RAB38: variants seen among roughly 807,000 people sequenced by gnomAD.
RAB38 encodes the protein ras-related protein Rab-38.
RAB38 carries 15 observed loss-of-function variants against 18.4 expected under a neutral mutation model. The observed-to-expected ratio is 0.82, with a 90% CI of 0.55 to 1.26. The LOEUF is 1.26. Among genes scored for constraint, RAB38 ranks in the 50% most tolerant of loss-of-function variants. RAB38 has a pLI of 0.00. For synonymous variants in RAB38, 101 were observed against 104.4 expected (o/e 0.97, Z 0.20); for missense variants, 294 against 267.4 (o/e 1.10, Z -0.69).
chr11:87,910,658 T>C, the RAB38 span, among the ~76,000 whole-genome samples: 2 of 145,400 alleles, frequency 1.4e-5, no homozygotes, highest in African/African-American at 2.5e-5. Context: ...TTTTTTTTTT[T>C]TGAGATGGAG....
the RAB38 span, among the ~76,000 whole-genome samples, chr11:88,027,422 T>A: frequency 8.5e-5 from 13 of 152,140 alleles, no homozygotes; most frequent in African/African-American, 3.1e-4. Context: ...GGTGAGGCAT[T>A]GCCTCACCTG....
intron 1 of RAB38, among the ~76,000 whole-genome samples, chr11:88,151,558 A>G (rs1157405698): frequency 6.6e-6 from 1 of 152,232 alleles, no homozygotes; most frequent in African/African-American, 2.4e-5. Context: ...ATAAAGTTAT[A>G]TAAATTAAAA....
the RAB38 span, among the ~76,000 whole-genome samples, chr11:87,949,798 C>T: frequency 0.021 from 3,231 of 152,262 alleles, 48 homozygotes; most frequent in Middle Eastern, 0.068. Flanking sequence ...CTAAGGAGTG[C>T]TTTACTTCCA....
At chr11:88,156,180 A>C (rs761268496) in intron 1 of RAB38, among the ~76,000 whole-genome samples, 1 of 152,172 alleles carries the variant, frequency 6.6e-6, no homozygotes. Flanking sequence ...TCCAGAAAAC[A>C]CCTGCCAGAT....
At chr11:87,883,928 T>A in the RAB38 span, among the ~76,000 whole-genome samples, 3 of 152,102 alleles carry the variant, frequency 2.0e-5, no homozygotes, top group Admixed American at 2.0e-4. Context: ...ACTTCTAATA[T>A]TCCAAGCTGT....
At chr11:87,849,120 C>T in the RAB38 span, among the ~76,000 whole-genome samples, 2 of 152,048 alleles carry the variant, frequency 1.3e-5, no homozygotes, top group Non-Finnish European at 2.9e-5. Flanking sequence ...ATGACTTTCG[C>T]CACCATAGAG....
the RAB38 span, among the ~76,000 whole-genome samples, chr11:88,040,023 C>A: frequency 1.3e-5 from 2 of 152,156 alleles, no homozygotes; most frequent in Non-Finnish European, 2.9e-5. Context: ...TCTTGTTTAG[C>A]CTAGAAGCAG....
rs549482536 is a variant in RAB38, at chr11:88,157,973, G to A, written c.203-8018C>T. 4.0e-5 allele frequency among the ~76,000 whole-genome samples: 6 copies of A among 151,794 alleles called. No individual in the cohort carries two copies. The South Asian group carries it at 1.2e-3, about 32-fold the overall frequency. On this transcript the variant is annotated intron_variant, in intron 1 of 2. Coordinates refer to ENST00000243662, the MANE Select transcript of RAB38 (RefSeq NM_022337.3). ...TTGAGACTCAAAAAATACATACAAA[G>A]TATCAATGAAAGCAAATGTCGGTTC...
the RAB38 span, among the ~76,000 whole-genome samples, chr11:87,957,373 C>G: frequency 1.4e-5 from 2 of 146,644 alleles, no homozygotes; most frequent in African/African-American, 5.1e-5. Flanking sequence ...GGATGACAGT[C>G]CTGTAACAAA....
the RAB38 span, among the ~76,000 whole-genome samples, chr11:87,817,840 T>A: frequency 6.6e-6 from 1 of 152,166 alleles, no homozygotes; most frequent in African/African-American, 2.4e-5. Context: ...TAATTGATCA[T>A]CTCAAATGCA....
At chr11:88,026,596 A>C in the RAB38 span, among the ~76,000 whole-genome samples, 1 of 150,554 alleles carries the variant, frequency 6.6e-6, no homozygotes, top group Non-Finnish European at 1.5e-5. Flanking sequence ...AAGGAAAAGA[A>C]ATGAAACTCC....
At chr11:88,069,746 A>C in the RAB38 span, among the ~76,000 whole-genome samples, 1 of 152,226 alleles carries the variant, frequency 6.6e-6, no homozygotes, top group Middle Eastern at 3.2e-3. Flanking sequence ...CTCTGTGTCT[A>C]GCTCAAGGTT....
the RAB38 span, among the ~76,000 whole-genome samples, chr11:87,904,187 G>C: frequency 1.3e-5 from 2 of 151,452 alleles, no homozygotes; most frequent in Non-Finnish European, 3.0e-5. Context: ...GGTATAATTG[G>C]TCTCATCACC....
the RAB38 span, among the ~76,000 whole-genome samples, chr11:87,923,140 A>G: frequency 6.6e-6 from 1 of 151,916 alleles, no homozygotes; most frequent in African/African-American, 2.4e-5. Context: ...TTTCAAAGTG[A>G]TTAATGTTAC....
At chr11:87,851,039 C>T in the RAB38 span, among the ~76,000 whole-genome samples, 5 of 152,212 alleles carry the variant, frequency 3.3e-5, no homozygotes, top group South Asian at 2.1e-4. Flanking sequence ...GGCGGTCCCC[C>T]GTTCCCCTCA....
downstream of RAB38, among the ~76,000 whole-genome samples, chr11:88,109,500 C>T (rs1192034758): frequency 6.6e-6 from 1 of 152,160 alleles, no homozygotes; most frequent in African/African-American, 2.4e-5. Flanking sequence ...GCAATGGCAA[C>T]AAAAGCCAAA....
intron 1 of RAB38, among the ~76,000 whole-genome samples, chr11:88,151,660 T>G (rs1362185735): frequency 6.6e-6 from 1 of 152,204 alleles, no homozygotes; most frequent in African/African-American, 2.4e-5. Flanking sequence ...GGTTAACATA[T>G]CTCTAAGAAG....
the RAB38 span, among the ~76,000 whole-genome samples, chr11:87,942,841 T>C: frequency 1.8e-3 from 267 of 152,296 alleles, 1 homozygote; most frequent in African/African-American, 5.7e-3. Flanking sequence ...TCTGTCATAA[T>C]CATTCTCGCT....
the RAB38 span, among the ~76,000 whole-genome samples, chr11:87,871,092 GCAAA>G: frequency 2.1e-4 from 32 of 151,672 alleles, no homozygotes; most frequent in Admixed American, 7.9e-4. Context: ...AAAAATTAAA[GCAAA>G]CAAATTTGAG....
Sources: gnomAD v4.1 joint callset for allele counts (sites outside exome capture counted in the v4.1 genomes callset) on GRCh38, gnomAD v4.1.1 for gene constraint, MANE v1.5 for transcripts, NCBI Gene and HGNC (gene_info 2026-07-23, HGNC 2026-07-21) for gene names.